CBFA2T3: variants seen among roughly 807,000 people sequenced by gnomAD.
The protein encoded by CBFA2T3 is CBFA2/RUNX1 partner transcriptional co-repressor 3.
CBFA2T3 carries 31 observed loss-of-function variants against 58.6 expected under a neutral mutation model. That is an observed-to-expected ratio of 0.53 (90% CI 0.40 to 0.71). The LOEUF (loss-of-function observed/expected upper bound fraction) is 0.71. Among genes scored for constraint, CBFA2T3 ranks in the 30% least tolerant of loss-of-function variants. CBFA2T3 has a pLI of 0.00. For synonymous variants in CBFA2T3, 531 were observed against 421.9 expected (o/e 1.26, Z -3.17); for missense variants, 1,076 against 963.1 (o/e 1.12, Z -1.55).
At chr16:88,968,225 G>C (rs1972562252) in intron 1 of CBFA2T3, among the ~76,000 whole-genome samples, 1 of 152,198 alleles carries the variant, frequency 6.6e-6, no homozygotes, top group Admixed American at 6.5e-5. Context: ...CTGGCCGCAG[G>C]ACTGCCCGTC....
rs114887799 is a variant in CBFA2T3, at chr16:88,904,471, G to A, written c.152-2815C>T. ...ACCTGGTGTTGCCCCCACAGGGCCA[G>A]GACTCGGCAGGACTCCAAAGTCTCC... On this transcript the variant is annotated intron_variant, in intron 1 of 11. Transcript: ENST00000268679. Among the ~76,000 whole-genome samples, 1,086 of 152,350 alleles carry A rather than the reference G, an allele frequency of 7.1e-3. 17 individuals are homozygous for A. Among genetic ancestry groups the A allele is most frequent in the African/African-American group, 0.025 (1,038 of 41,588 alleles).
At chr16:88,917,119 A>G (rs73254259) in intron 1 of CBFA2T3, among the ~76,000 whole-genome samples, 11,671 of 151,818 alleles carry the variant, frequency 0.077, 1,212 homozygotes, top group African/African-American at 0.23. Context: ...GAAAAAAGAG[A>G]AGAACTGGTG....
intron 10 of CBFA2T3, chr16:88,879,710 T>G (rs768240850): frequency 2.7e-5 from 13 of 486,056 alleles, no homozygotes; most frequent in Non-Finnish European, 4.4e-5. Context: ...AACACAGGCA[T>G]CCCAGGCATG....
At chr16:88,918,247 T>G (rs531516505) in intron 1 of CBFA2T3, among the ~76,000 whole-genome samples, 1 of 152,334 alleles carries the variant, frequency 6.6e-6, no homozygotes, top group East Asian at 1.9e-4. Flanking sequence ...CTTCTCAGTT[T>G]TTTGACACTG....
chr16:88,968,294 G>C (rs1267119113), intron 1 of CBFA2T3, among the ~76,000 whole-genome samples: 1 of 152,226 alleles, frequency 6.6e-6, no homozygotes, highest in Non-Finnish European at 1.5e-5. Context: ...GCACCTGGCA[G>C]TTTCAGTTTC....
chr16:88,921,095 C>T (rs1322441049), intron 1 of CBFA2T3, among the ~76,000 whole-genome samples: 3 of 152,238 alleles, frequency 2.0e-5, no homozygotes, highest in Non-Finnish European at 1.5e-5. Context: ...AAGGCCTGCC[C>T]GGCTCTCACA....
intron 1 of CBFA2T3, among the ~76,000 whole-genome samples, chr16:88,904,943 G>T (rs1039741883): frequency 3.3e-5 from 5 of 152,202 alleles, no homozygotes; most frequent in Admixed American, 2.0e-4. Context: ...CAAGGCTCAT[G>T]GAGCAACGTG....
At chr16:88,894,937 T>C (rs1015685210) in intron 3 of CBFA2T3, among the ~76,000 whole-genome samples, 1 of 152,082 alleles carries the variant, frequency 6.6e-6, no homozygotes, top group East Asian at 1.9e-4. Context: ...AGCTGTTTCC[T>C]TCCTGTGCCC....
At chr16:88,914,054 G>A (rs373178714) in intron 1 of CBFA2T3, among the ~76,000 whole-genome samples, 1 of 152,212 alleles carries the variant, frequency 6.6e-6, no homozygotes, top group African/African-American at 2.4e-5. Context: ...GCTGCAGCAC[G>A]GCCATACAAT....
chr16:88,920,619 C>T (rs1173827345), intron 1 of CBFA2T3, among the ~76,000 whole-genome samples: 2 of 152,196 alleles, frequency 1.3e-5, no homozygotes, highest in South Asian at 2.1e-4. Context: ...CAAACTCCAA[C>T]GGCCACAGGT....
intron 1 of CBFA2T3, among the ~76,000 whole-genome samples, chr16:88,918,256 T>G (rs1970802343): frequency 6.6e-6 from 1 of 152,224 alleles, no homozygotes; most frequent in South Asian, 2.1e-4. Flanking sequence ...TTTTTGACAC[T>G]GAGGCACCAA....
chr16:88,965,839 A>C (rs1255948426), intron 1 of CBFA2T3, among the ~76,000 whole-genome samples: 1 of 152,202 alleles, frequency 6.6e-6, no homozygotes, highest in Non-Finnish European at 1.5e-5. Context: ...TGTCAAAAAA[A>C]AGTTTTAGGG....
At chr16:88,915,799 C>T (rs955379416) in intron 1 of CBFA2T3, among the ~76,000 whole-genome samples, 4 of 151,340 alleles carry the variant, frequency 2.6e-5, no homozygotes, top group African/African-American at 9.7e-5. Context: ...GGGCTAGACA[C>T]AGGGTGGGCG....
intron 1 of CBFA2T3, among the ~76,000 whole-genome samples, chr16:88,935,613 G>C (rs1971472227): frequency 6.6e-6 from 1 of 152,332 alleles, no homozygotes; most frequent in Admixed American, 6.5e-5. Flanking sequence ...CTGGGGTCTG[G>C]GCTGTGCCAG....
chr16:88,896,200 C>T (rs978792185), intron 3 of CBFA2T3, among the ~76,000 whole-genome samples: 1 of 152,298 alleles, frequency 6.6e-6, no homozygotes, highest in African/African-American at 2.4e-5. Context: ...CTTGAGTGCA[C>T]GCGTGGCCTC....
rs558219292 is a variant in CBFA2T3 at position 88,925,214 on chromosome 16, G to A, written c.152-23558C>T. Among the ~76,000 whole-genome samples the A allele has an allele frequency of 1.5e-3, 235 of 152,326 alleles. 1 individual carries two copies. Among genetic ancestry groups the A allele is most frequent in the African/African-American group, 5.3e-3 (219 of 41,574 alleles). On this transcript the variant is annotated intron_variant, in intron 1 of 11. Transcript: ENST00000268679. The stretch of plus-strand genomic sequence containing the variant: ...CCGGATTGGTCCTCTCCCAGCCCCC[G>A]GCCTTGGGAAGGTGCCAGGCAGGCA...
At chr16:88,900,536 G>T (rs538524746) in intron 2 of CBFA2T3, among the ~76,000 whole-genome samples, 1 of 152,338 alleles carries the variant, frequency 6.6e-6, no homozygotes, top group African/African-American at 2.4e-5. Context: ...GCCCGTCAGG[G>T]ACCCGGGGCA....
chr16:88,976,588 G>A, intron 1 of CBFA2T3, 69 bp downstream of exon 1: 1 of 1,210,344 alleles, frequency 8.3e-7, no homozygotes, highest in Non-Finnish European at 1.2e-6. Flanking sequence ...AAGCTCTAAG[G>A]AGTCACAGCC....
At chr16:88,923,677 T>A (rs1261472816) in intron 1 of CBFA2T3, among the ~76,000 whole-genome samples, 1 of 152,132 alleles carries the variant, frequency 6.6e-6, no homozygotes, top group East Asian at 1.9e-4. Context: ...CTGCGCATCC[T>A]CCGCAACCCG....
Sources: allele counts gnomAD v4.1 joint callset (sites outside exome capture counted in the v4.1 genomes callset), GRCh38; gene constraint gnomAD v4.1.1; transcripts MANE v1.5; gene names NCBI Gene and HGNC (gene_info 2026-07-23, HGNC 2026-07-21).